Variants in PPM1L observed in about 807,000 individuals in gnomAD.
PPM1L encodes the protein protein phosphatase 1L.
A neutral mutation model predicts 31.4 loss-of-function variants in PPM1L; 13 were observed. That is an observed-to-expected ratio of 0.41 (90% CI 0.27 to 0.66). The LOEUF (loss-of-function observed/expected upper bound fraction) is 0.66, where lower values mean the gene tolerates loss of function less well. Ranked by LOEUF, PPM1L falls within the 30% of genes least tolerant of loss-of-function variation. The pLI, the probability that PPM1L is intolerant of heterozygous loss-of-function variation, is 0.29. For synonymous variants in PPM1L, 184 were observed against 175.4 expected, an observed-to-expected ratio of 1.05 and a Z score of -0.39; for missense variants, 326 against 453.7, an observed-to-expected ratio of 0.72 and a Z score of 2.56.
intron 2 of PPM1L, among the ~76,000 whole-genome samples, chr3:161,005,566 T>A (rs935093879): frequency 6.6e-6 from 1 of 152,198 alleles, no homozygotes; most frequent in African/African-American, 2.4e-5. Flanking sequence ...CAGCCTTGCC[T>A]GCGTTTAAAT....
At chr3:160,995,282 A>G (rs1485601407) in intron 2 of PPM1L, among the ~76,000 whole-genome samples, 1 of 152,058 alleles carries the variant, frequency 6.6e-6, no homozygotes, top group East Asian at 1.9e-4. Context: ...AAAGAAATGC[A>G]CCAGTAGCCA....
intron 1 of PPM1L, among the ~76,000 whole-genome samples, chr3:160,759,602 C>T (rs1426777064): frequency 6.6e-6 from 1 of 152,032 alleles, no homozygotes; most frequent in Non-Finnish European, 1.5e-5. Context: ...AAATATAACC[C>T]CTATCCTCAA....
chr3:160,881,031 G>A (rs1200232989), intron 1 of PPM1L, among the ~76,000 whole-genome samples: 1 of 152,168 alleles, frequency 6.6e-6, no homozygotes, highest in Non-Finnish European at 1.5e-5. Context: ...ATGGTTGTAT[G>A]TGTGATTCTT....
chr3:161,058,054 A>T (rs182894170), intron 2 of PPM1L, among the ~76,000 whole-genome samples: 5 of 150,944 alleles, frequency 3.3e-5, no homozygotes, highest in African/African-American at 1.2e-4. Context: ...CAGAGAGGTT[A>T]AGTATATAAT....
chr3:160,949,086 C>G (rs1348567784), intron 1 of PPM1L, among the ~76,000 whole-genome samples: 1 of 152,182 alleles, frequency 6.6e-6, no homozygotes, highest in Non-Finnish European at 1.5e-5. Flanking sequence ...GCAATCCCCT[C>G]TTTCCACCCT....
At chr3:160,779,673 C>T (rs1328740617) in intron 1 of PPM1L, among the ~76,000 whole-genome samples, 6 of 151,992 alleles carry the variant, frequency 3.9e-5, no homozygotes, top group Admixed American at 3.9e-4. Flanking sequence ...CAGGTGCCCA[C>T]CATTATGCCC....
chr3:160,909,138 G>C (rs143506451), intron 1 of PPM1L, among the ~76,000 whole-genome samples: 142 of 152,254 alleles, frequency 9.3e-4, no homozygotes, highest in African/African-American at 3.3e-3. Flanking sequence ...TTTTTGTAAA[G>C]GGGAGATAAA....
chr3:160,989,148 C>T (rs1717052312), intron 2 of PPM1L, among the ~76,000 whole-genome samples: 1 of 152,146 alleles, frequency 6.6e-6, no homozygotes, highest in South Asian at 2.1e-4. Flanking sequence ...CATGCTAAAG[C>T]CCTGCGTTTC....
chr3:160,935,894 G>A (rs1399846882), intron 1 of PPM1L, among the ~76,000 whole-genome samples: 1 of 152,228 alleles, frequency 6.6e-6, no homozygotes, highest in African/African-American at 2.4e-5. Context: ...AATCCCAGCT[G>A]CTGTGTCCTC....
intron 1 of PPM1L, among the ~76,000 whole-genome samples, chr3:160,804,920 C>T (rs951051314): frequency 3.3e-5 from 5 of 152,180 alleles, no homozygotes; most frequent in Non-Finnish European, 5.9e-5. Flanking sequence ...TCCTTCCTCA[C>T]GTTTGGGAAA....
intron 2 of PPM1L, among the ~76,000 whole-genome samples, chr3:161,052,985 T>C (rs938785054): frequency 3.9e-5 from 6 of 152,038 alleles, no homozygotes; most frequent in Admixed American, 2.6e-4. Context: ...CCCACTCCCA[T>C]AGCATTCATA....
At chr3:160,850,570 C>T (rs1314330442) in intron 1 of PPM1L, among the ~76,000 whole-genome samples, 2 of 152,206 alleles carry the variant, frequency 1.3e-5, no homozygotes, top group African/African-American at 4.8e-5. Context: ...GCTGGTCCCT[C>T]TGGCAACCAG....
intron 1 of PPM1L, among the ~76,000 whole-genome samples, chr3:160,880,574 T>G (rs1257463067): frequency 1.3e-5 from 2 of 151,784 alleles, no homozygotes; most frequent in East Asian, 3.9e-4. Flanking sequence ...ACTATCATAC[T>G]CCCAAATATG....
intron 1 of PPM1L, among the ~76,000 whole-genome samples, chr3:160,861,666 C>CA (rs887166270): frequency 6.0e-5 from 9 of 150,848 alleles, no homozygotes; most frequent in South Asian, 2.1e-4. Context: ...CTATAAATTA[C>CA]AAAAAAAAAT....
chr3:160,882,927 G>A (rs1560137514), intron 1 of PPM1L, among the ~76,000 whole-genome samples: 1 of 152,106 alleles, frequency 6.6e-6, no homozygotes, highest in African/African-American at 2.4e-5. Flanking sequence ...TTTATCCCAT[G>A]TCCTCAGCTG....
intron 2 of PPM1L, among the ~76,000 whole-genome samples, chr3:161,051,667 A>T (rs1416784496): frequency 6.6e-6 from 1 of 152,160 alleles, no homozygotes; most frequent in African/African-American, 2.4e-5. Context: ...AATTAATAAT[A>T]TTATTGGATC....
chr3:160,776,766 A>G (rs1711569210), intron 1 of PPM1L, among the ~76,000 whole-genome samples: 1 of 151,628 alleles, frequency 6.6e-6, no homozygotes, highest in Non-Finnish European at 1.5e-5. Flanking sequence ...ACACCTGACT[A>G]ATTTTTGTAT....
At position 160,932,246 on chromosome 3, in the gene PPM1L, T is replaced by C. The variant is rs544894926; in HGVS notation, c.400-29490T>C. ...AAAAGCCTGTATTTCCACTGTGATA[T>C]AATATCTGCTTAAAGTATGGGCTAC... On this transcript the variant is annotated intron_variant, in intron 1 of 3. Coordinates refer to ENST00000498165, the MANE Select transcript of PPM1L (RefSeq NM_139245.4). 4.7e-4 allele frequency among the ~76,000 whole-genome samples: 71 copies of C among 152,338 alleles called. 1 individual carries two copies. In the South Asian group the frequency reaches 0.014, roughly 30 times the overall value.
chr3:160,973,411 G>C (rs538496908), intron 2 of PPM1L, among the ~76,000 whole-genome samples: 1 of 152,220 alleles, frequency 6.6e-6, no homozygotes, highest in Admixed American at 6.5e-5. Context: ...CAATGCCATC[G>C]GTATCTCTTC....
Sources: gnomAD v4.1 joint callset for allele counts (sites outside exome capture counted in the v4.1 genomes callset) on GRCh38, gnomAD v4.1.1 for gene constraint, MANE v1.5 for transcripts, NCBI Gene and HGNC (gene_info 2026-07-23, HGNC 2026-07-21) for gene names.